Variants in DDAH1 observed in about 807,000 individuals in gnomAD.
DDAH1 encodes the protein dimethylarginine dimethylaminohydrolase 1.
DDAH1 carries 19 observed loss-of-function variants against 28.8 expected under a neutral mutation model. That is an observed-to-expected ratio of 0.66 (90% CI 0.46 to 0.97). The LOEUF is 0.97. DDAH1 is among the 50% of genes least tolerant of loss of function. DDAH1 has a pLI of 0.00. For missense variants in DDAH1, 326 were observed against 375.9 expected (o/e 0.87, Z 1.10); for synonymous variants, 153 against 154.4 (o/e 0.99, Z 0.07).
At chr1:85,356,776 C>T (rs1352891330) in intron 2 of DDAH1, among the ~76,000 whole-genome samples, 1 of 152,208 alleles carries the variant, frequency 6.6e-6, no homozygotes, top group African/African-American at 2.4e-5. Context: ...TTAGTACCTA[C>T]TTTGAAGATA....
intron 1 of DDAH1, among the ~76,000 whole-genome samples, chr1:85,449,138 C>T (rs571534686): frequency 4.8e-4 from 73 of 152,310 alleles, no homozygotes; most frequent in Non-Finnish European, 8.1e-4. Context: ...GGTTCCGACT[C>T]TGGGCAAAAC....
intron 1 of DDAH1, among the ~76,000 whole-genome samples, chr1:85,391,005 C>T (rs1342967302): frequency 6.6e-6 from 1 of 152,104 alleles, no homozygotes; most frequent in Non-Finnish European, 1.5e-5. Flanking sequence ...CATTCAGAAG[C>T]CTCAAGCAGA....
intron 1 of DDAH1, among the ~76,000 whole-genome samples, chr1:85,568,433 G>A (rs1659365296): frequency 6.6e-6 from 1 of 152,122 alleles, no homozygotes; most frequent in Non-Finnish European, 1.5e-5. Context: ...CTTATCCACT[G>A]TGCCCACTGC....
chr1:85,377,080 T>G (rs1019707438), intron 1 of DDAH1, among the ~76,000 whole-genome samples: 1 of 152,154 alleles, frequency 6.6e-6, no homozygotes, highest in Non-Finnish European at 1.5e-5. Context: ...CACAGAATCA[T>G]GAAATGTAAA....
At chr1:85,465,291 G>T (rs976572141), upstream of DDAH1, 1 of 876,984 alleles carries the variant, frequency 1.1e-6, no homozygotes, top group Non-Finnish European at 1.4e-6. Flanking sequence ...CAGCCCAGGC[G>T]GGAGTTGTAG....
intron 1 of DDAH1, among the ~76,000 whole-genome samples, chr1:85,386,493 C>T (rs748959813): frequency 6.8e-4 from 103 of 152,348 alleles, no homozygotes; most frequent in Non-Finnish European, 1.0e-3. Flanking sequence ...CAGAGCACAC[C>T]GGTGCAAGGG....
intron 2 of DDAH1, chr1:85,495,161 T>G (rs1041406733): frequency 4.4e-4 from 9 of 20,378 alleles, no homozygotes; most frequent in Admixed American, 3.2e-3. Context: ...TTCTGTCCAA[T>G]TTTTTTTTTT....
At chr1:85,518,071 G>T (rs1470255363) in intron 1 of DDAH1, among the ~76,000 whole-genome samples, 3 of 152,210 alleles carry the variant, frequency 2.0e-5, no homozygotes, top group Non-Finnish European at 4.4e-5. Context: ...TGTGGCACAA[G>T]TGATACTTAA....
At position 85,461,343 on chromosome 1, in the gene DDAH1, T is replaced by C. The variant is rs183441044; in HGVS notation, c.303+3400A>G. ...CTTCCTGCACACAGGGCCTGTGTTT[T>C]ATTAATCTTTGAGGCCCCATTCAGG... On this transcript the variant is annotated intron_variant, in intron 1 of 5. Transcript: ENST00000284031. Among the ~76,000 whole-genome samples the C allele has an allele frequency of 2.6e-5, 4 of 152,354 alleles. No homozygotes were observed. The East Asian group carries it at 7.7e-4, about 29-fold the overall frequency.
At chr1:85,416,402 C>G (rs1312171763) in intron 1 of DDAH1, among the ~76,000 whole-genome samples, 2 of 152,086 alleles carry the variant, frequency 1.3e-5, no homozygotes, top group Non-Finnish European at 2.9e-5. Flanking sequence ...AACATGTTGG[C>G]CAGGCTGGTA....
chr1:85,446,194 T>C (rs192330038), intron 1 of DDAH1, among the ~76,000 whole-genome samples: 6 of 152,264 alleles, frequency 3.9e-5, no homozygotes, highest in Admixed American at 3.9e-4. Context: ...GAGGTTTAAT[T>C]GACTCACTGT....
At chr1:85,341,261 A>G (rs1648457708) in intron 4 of DDAH1, among the ~76,000 whole-genome samples, 1 of 152,226 alleles carries the variant, frequency 6.6e-6, no homozygotes, top group African/African-American at 2.4e-5. Context: ...GCTGCTCAGT[A>G]AATCTTACCA....
chr1:85,446,984 A>G (rs910172695), intron 1 of DDAH1, among the ~76,000 whole-genome samples: 2 of 152,182 alleles, frequency 1.3e-5, no homozygotes, highest in Non-Finnish European at 1.5e-5. Context: ...GGAAGAAAGA[A>G]AGGTGGTCAT....
chr1:85,501,611 C>T (rs1344310721), intron 1 of DDAH1, among the ~76,000 whole-genome samples: 1 of 152,178 alleles, frequency 6.6e-6, no homozygotes, highest in African/African-American at 2.4e-5. Flanking sequence ...TCTCTGCCTC[C>T]TCAGAACAGT....
At chr1:85,514,366 A>G (rs761585090) in intron 1 of DDAH1, among the ~76,000 whole-genome samples, 9 of 152,124 alleles carry the variant, frequency 5.9e-5, no homozygotes, top group Non-Finnish European at 1.0e-4. Context: ...GGGGAACATC[A>G]CACACCGGGG....
chr1:85,440,892 C>A (rs1233716457), intron 1 of DDAH1, among the ~76,000 whole-genome samples: 1 of 147,838 alleles, frequency 6.8e-6, no homozygotes, highest in Admixed American at 6.7e-5. Context: ...CATTTGAAGC[C>A]AACAAAAAGC....
chr1:85,457,304 A>G (rs1654931027), intron 1 of DDAH1, among the ~76,000 whole-genome samples: 1 of 152,040 alleles, frequency 6.6e-6, no homozygotes, highest in Non-Finnish European at 1.5e-5. Flanking sequence ...TCCCCTGGTT[A>G]ATTCTCACTC....
At chr1:85,339,210 C>G (rs1274169534) in intron 4 of DDAH1, among the ~76,000 whole-genome samples, 1 of 152,128 alleles carries the variant, frequency 6.6e-6, no homozygotes, top group Non-Finnish European at 1.5e-5. Flanking sequence ...TACAAAAACT[C>G]TAATAGATTC....
At chr1:85,445,358 C>T (rs1164692609) in intron 1 of DDAH1, among the ~76,000 whole-genome samples, 1 of 152,066 alleles carries the variant, frequency 6.6e-6, no homozygotes, top group Admixed American at 6.5e-5. Context: ...TTTAAGCATA[C>T]TCTTTTTTAA....
Sources: allele counts gnomAD v4.1 joint callset (sites outside exome capture counted in the v4.1 genomes callset), GRCh38; gene constraint gnomAD v4.1.1; transcripts MANE v1.5; gene names NCBI Gene and HGNC (gene_info 2026-07-23, HGNC 2026-07-21).